Variants in RORA observed in about 807,000 individuals in gnomAD.
RORA encodes the protein nuclear receptor ROR-alpha.
In RORA, 7 loss-of-function variants were observed where a neutral mutation model predicts 69.5. The ratio of observed to expected loss-of-function variants is 0.10; its 90% CI spans 0.06 to 0.19. The LOEUF is 0.19. Among genes scored for constraint, RORA ranks in the 10% least tolerant of loss-of-function variants. The probability of loss-of-function intolerance (pLI) is 1.00; values close to 1 mark genes in which losing one functional copy is unlikely to be tolerated. For synonymous variants in RORA, 261 were observed against 240.8 expected (o/e 1.08, Z -0.78); for missense variants, 457 against 663.0 (o/e 0.69, Z 3.41).
intron 2 of RORA, among the ~76,000 whole-genome samples, chr15:60,655,169 TTTTA>T (rs780581329): frequency 2.4e-4 from 36 of 152,138 alleles, no homozygotes; most frequent in East Asian, 1.5e-3. Flanking sequence ...CTTTTTAAAT[TTTTA>T]TTTATTTATT....
chr15:60,920,831 G>T (rs1253362667), intron 1 of RORA, among the ~76,000 whole-genome samples: 2 of 152,026 alleles, frequency 1.3e-5, no homozygotes, highest in East Asian at 3.9e-4. Flanking sequence ...ATGACTTTTG[G>T]TGTCCTGAAA....
intron 1 of RORA, among the ~76,000 whole-genome samples, chr15:60,807,783 C>T (rs1175678940): frequency 6.6e-6 from 1 of 152,110 alleles, no homozygotes; most frequent in African/African-American, 2.4e-5. Flanking sequence ...ATACTTACAG[C>T]CAACTGATCT....
chr15:60,955,478 C>T (rs1159871365), intron 1 of RORA, among the ~76,000 whole-genome samples: 1 of 152,124 alleles, frequency 6.6e-6, no homozygotes, highest in African/African-American at 2.4e-5. Flanking sequence ...TCCATAAGAC[C>T]TCCAATTGTT....
chr15:60,732,908 C>G (rs186243858), intron 1 of RORA, among the ~76,000 whole-genome samples: 1 of 152,124 alleles, frequency 6.6e-6, no homozygotes, highest in Non-Finnish European at 1.5e-5. Flanking sequence ...TGCCCCATAC[C>G]CCATCATAGT....
At chr15:60,858,692 T>TACACACACACACACACACACACACAC (rs3053884) in intron 1 of RORA, among the ~76,000 whole-genome samples, 1 of 142,818 alleles carries the variant, frequency 7.0e-6, no homozygotes. Context: ...AGAAAGAAAA[T>TACACACACACACACACACACACACAC]ACACACACAC....
At chr15:60,761,199 G>A (rs1204677731) in intron 1 of RORA, among the ~76,000 whole-genome samples, 2 of 152,138 alleles carry the variant, frequency 1.3e-5, no homozygotes, top group East Asian at 3.9e-4. Flanking sequence ...ACGTGGGGGT[G>A]CCACCCAGCC....
At chr15:60,826,192 T>C (rs2072953453) in intron 1 of RORA, among the ~76,000 whole-genome samples, 1 of 152,192 alleles carries the variant, frequency 6.6e-6, no homozygotes, top group Non-Finnish European at 1.5e-5. Context: ...AATCATGTCC[T>C]AGTACTGGCA....
chr15:61,024,505 C>A lies in RORA; in HGVS notation c.166+204548G>T, dbSNP rs979263447. On this transcript the variant is annotated intron_variant, in intron 1 of 10. Coordinates refer to ENST00000335670, the MANE Select transcript of RORA (RefSeq NM_134261.3). ...CCTCTGTCACCCAGGCTGGAGGGGGCAGTGGCATGATCTTGGTTCATTGTA... is the reference window on the plus strand; with the variant it reads ...CCTCTGTCACCCAGGCTGGAGGGGGAAGTGGCATGATCTTGGTTCATTGTA... Among the ~76,000 whole-genome samples, 3 of 147,132 alleles carry A rather than the reference C, an allele frequency of 2.0e-5. No individual in the cohort carries two copies. In the Admixed American group the frequency reaches 2.1e-4, roughly 10 times the overall value.
Position 60,696,733 on chromosome 15 carries a change from G to A in RORA, c.167-18047C>T, listed in dbSNP as rs573353725. ...GACCCACTCACCGTGAAACACTTGCGGAGCCAAAATTCTAGGAAAAGCACC... is the reference window on the plus strand; with the variant it reads ...GACCCACTCACCGTGAAACACTTGCAGAGCCAAAATTCTAGGAAAAGCACC... On this transcript the variant is annotated intron_variant, in intron 1 of 10. Coordinates refer to ENST00000335670, the MANE Select transcript of RORA (RefSeq NM_134261.3). 2.1e-4 allele frequency among the ~76,000 whole-genome samples: 32 copies of A among 152,220 alleles called. No individual in the cohort carries two copies. In the South Asian group the frequency reaches 2.5e-3, roughly 12 times the overall value.
intron 1 of RORA, among the ~76,000 whole-genome samples, chr15:61,119,289 C>T (rs930902189): frequency 6.6e-6 from 1 of 151,886 alleles, no homozygotes; most frequent in Admixed American, 6.6e-5. Context: ...ACCTCCACTT[C>T]TGGGCTCAAG....
intron 3 of RORA, among the ~76,000 whole-genome samples, chr15:60,527,148 C>G (rs2066385302): frequency 6.6e-6 from 1 of 152,066 alleles, no homozygotes; most frequent in African/African-American, 2.4e-5. Flanking sequence ...AATCAGAAAC[C>G]AATTCACTAA....
At chr15:60,509,545 G>A (rs2065624494) in intron 5 of RORA, among the ~76,000 whole-genome samples, 1 of 152,134 alleles carries the variant, frequency 6.6e-6, no homozygotes, top group Non-Finnish European at 1.5e-5. Flanking sequence ...TCAAGGGCAC[G>A]CTTTGCCTAA....
chr15:60,528,929 A>C (rs1455281487), intron 3 of RORA: 4 of 152,208 alleles, frequency 2.6e-5, no homozygotes, highest in Non-Finnish European at 5.9e-5. Context: ...TCAGAGCAGA[A>C]GCATGGCACC....
intron 1 of RORA, among the ~76,000 whole-genome samples, chr15:61,041,737 T>C (rs1019218340): frequency 1.3e-5 from 2 of 152,208 alleles, no homozygotes; most frequent in Non-Finnish European, 2.9e-5. Flanking sequence ...ATGTTCATTT[T>C]ATAGATGAGG....
At chr15:61,055,419 GAGTGCCTTA>G (rs2078082032) in intron 1 of RORA, among the ~76,000 whole-genome samples, 2 of 152,270 alleles carry the variant, frequency 1.3e-5, no homozygotes, top group South Asian at 4.2e-4. Context: ...AATGTTTACA[GAGTGCCTTA>G]AGCTGTTCAG....
chr15:60,787,732 C>G (rs2072357846), intron 1 of RORA, among the ~76,000 whole-genome samples: 1 of 152,172 alleles, frequency 6.6e-6, no homozygotes. Context: ...TTTGGCAAGC[C>G]TATCACTGCA....
chr15:60,846,705 C>T (rs2073270007), intron 1 of RORA, among the ~76,000 whole-genome samples: 1 of 152,210 alleles, frequency 6.6e-6, no homozygotes, highest in Admixed American at 6.5e-5. Context: ...TGCCAGCCCA[C>T]CAAATCCATC....
intron 1 of RORA, among the ~76,000 whole-genome samples, chr15:60,801,273 C>T (rs1036803337): frequency 1.4e-4 from 21 of 152,316 alleles, no homozygotes; most frequent in Non-Finnish European, 2.9e-4. Flanking sequence ...CCTCCCCCTC[C>T]CCCCTCCTTC....
At chr15:60,815,048 C>T (rs2072790810) in intron 1 of RORA, among the ~76,000 whole-genome samples, 1 of 151,916 alleles carries the variant, frequency 6.6e-6, no homozygotes, top group Admixed American at 6.6e-5. Flanking sequence ...GGTTTTTTTT[C>T]CCACGGTTTG....
Sources: gnomAD v4.1 joint callset for allele counts (sites outside exome capture counted in the v4.1 genomes callset) on GRCh38, gnomAD v4.1.1 for gene constraint, MANE v1.5 for transcripts, NCBI Gene and HGNC (gene_info 2026-07-23, HGNC 2026-07-21) for gene names.